PHACTR2: variants seen among roughly 807,000 people sequenced by gnomAD.
PHACTR2 encodes chromosome 6 open reading frame 56.
PHACTR2 carries 30 observed loss-of-function variants against 76.0 expected under a neutral mutation model. The ratio of observed to expected loss-of-function variants is 0.39; its 90% CI spans 0.30 to 0.54. The LOEUF (loss-of-function observed/expected upper bound fraction) is 0.54. Among genes scored for constraint, PHACTR2 ranks in the 20% least tolerant of loss-of-function variants. The probability of loss-of-function intolerance (pLI) is 0.61; values close to 1 mark genes in which losing one functional copy is unlikely to be tolerated. For missense variants in PHACTR2, 696 were observed against 781.1 expected, an observed-to-expected ratio of 0.89 and a Z score of 1.30; for synonymous variants, 292 against 292.5, an observed-to-expected ratio of 1.00 and a Z score of 0.02.
intron 1 of PHACTR2, among the ~76,000 whole-genome samples, chr6:143,650,690 A>T (rs1233289187): frequency 2.0e-5 from 3 of 152,232 alleles, no homozygotes; most frequent in African/African-American, 7.2e-5. Context: ...CTCAAGATGG[A>T]TTAAAGACTT....
chr6:143,732,728 A>C (rs992017479), intron 2 of PHACTR2, among the ~76,000 whole-genome samples: 1 of 152,182 alleles, frequency 6.6e-6, no homozygotes, highest in African/African-American at 2.4e-5. Flanking sequence ...TTTTCAATGC[A>C]GCCACACCAT....
chr6:143,806,568 C>T lies in PHACTR2; in HGVS notation c.1846-489C>T, dbSNP rs528219451. On this transcript the variant is annotated intron_variant, in intron 11 of 12. Coordinates refer to ENST00000440869, the MANE Select transcript of PHACTR2 (RefSeq NM_001100164.2). The surrounding 1 kb of genome is among the most constrained non-coding windows in gnomAD (Gnocchi z 5.8). ...ACTCAAGGATGAGTTTAGCAAAGGC[C>T]CGCTCCCACTCCCTCTTGCCAATGG... Among the ~76,000 whole-genome samples the T allele has an allele frequency of 3.3e-5, 5 of 152,186 alleles. No homozygotes were observed. The highest frequency in any genetic ancestry group is 1.2e-4 in the African/African-American group (5 of 41,520).
rs183791398 is a variant in PHACTR2 at position 143,718,913 on chromosome 6, C to T, written c.214+6730C>T. On this transcript the variant is annotated intron_variant, in intron 2 of 12. Coordinates refer to ENST00000440869, the MANE Select transcript of PHACTR2 (RefSeq NM_001100164.2). ...TTTTTTTTTTTTGGAGACAGAGTCTCGCTCTGTCATCCAAGCTGGAGTGCA... is the reference window on the plus strand; with the variant it reads ...TTTTTTTTTTTTGGAGACAGAGTCTTGCTCTGTCATCCAAGCTGGAGTGCA... Among the ~76,000 whole-genome samples, 18 of 138,768 alleles carry T rather than the reference C, an allele frequency of 1.3e-4. No homozygotes were observed. In the East Asian group the frequency reaches 1.4e-3, roughly 11 times the overall value. 91.0% of individuals were successfully genotyped at this position (138,768 alleles called of 152,430 possible).
rs1259114437 is a variant in PHACTR2 at position 143,647,575 on chromosome 6, G to A, written c.13+39253G>A. Among the ~76,000 whole-genome samples, 2 of 152,162 alleles carry A rather than the reference G, an allele frequency of 1.3e-5. No individual in the cohort carries two copies. Among genetic ancestry groups the A allele is most frequent in the Non-Finnish European group, 2.9e-5 (2 of 68,040 alleles). ...GCTTAATTTAGTTAAGTGAGATGGG[G>A]GCGGGAAAGAAGAGAAAATAGAGAG... is the stretch of plus-strand genomic sequence containing the variant. On this transcript the variant is annotated intron_variant, in intron 1 of 11. Coordinates refer to the PHACTR2 transcript ENST00000305766. The surrounding 1 kb of genome is among the most constrained non-coding windows in gnomAD (Gnocchi z 4.2).
intron 2 of PHACTR2, among the ~76,000 whole-genome samples, chr6:143,741,624 T>G (rs1778945396): frequency 6.6e-6 from 1 of 152,170 alleles, no homozygotes; most frequent in Admixed American, 6.5e-5. Context: ...GATTTCTGGG[T>G]GAAATTGCGA....
In PHACTR2 at chr6:143,764,627, C is replaced by T. The variant is rs1037654920; in HGVS notation, c.695-634C>T. On this transcript the variant is annotated intron_variant, in intron 5 of 12. Transcript: ENST00000440869. The surrounding 1 kb of genome is among the most constrained non-coding windows in gnomAD (Gnocchi z 4.7). ...AGGGAGTGTACCTTTCCTGTGTGGC[C>T]ATGGGTTTTCCCTTTACCCCATCTC... 2.6e-5 allele frequency among the ~76,000 whole-genome samples: 4 copies of T among 152,048 alleles called. No individual in the cohort carries two copies. Among genetic ancestry groups the T allele is most frequent in the African/African-American group, 7.2e-5 (3 of 41,410 alleles).
In PHACTR2 at chr6:143,602,282, A is replaced by G. The variant is rs1775821874; in HGVS notation, c.217+65075A>G. On this transcript the variant is annotated intron_variant, in intron 1 of 11. Coordinates refer to the PHACTR2 transcript ENST00000367584. The surrounding 1 kb of genome is among the most constrained non-coding windows in gnomAD (Gnocchi z 6.1). The stretch of plus-strand genomic sequence containing the variant: ...AATTTTGAGGGCATACTGCCGATCC[A>G]GTATTTAGGGACCCACGTGAAGCTT... Among the ~76,000 whole-genome samples, 1 of 152,234 alleles carries G rather than the reference A, an allele frequency of 6.6e-6. No individual in the cohort carries two copies. Among genetic ancestry groups the G allele is most frequent in the Non-Finnish European group, 1.5e-5 (1 of 68,046 alleles).
At chr6:143,734,061 G>T (rs1778765705) in intron 2 of PHACTR2, among the ~76,000 whole-genome samples, 2 of 152,052 alleles carry the variant, frequency 1.3e-5, no homozygotes, top group Admixed American at 6.6e-5. Context: ...ATAGGTGGAT[G>T]GAAAGACTCA....
chr6:143,640,762 G>A (rs1484737944), intron 1 of PHACTR2, among the ~76,000 whole-genome samples: 4 of 152,162 alleles, frequency 2.6e-5, no homozygotes, highest in Non-Finnish European at 5.9e-5. Context: ...CTCCTCAAAA[G>A]ATATGTCTAT....
At chr6:143,650,159 A>G (rs1315761541) in intron 1 of PHACTR2, among the ~76,000 whole-genome samples, 1 of 152,234 alleles carries the variant, frequency 6.6e-6, no homozygotes, top group African/African-American at 2.4e-5. Flanking sequence ...TTCAAGGAGA[A>G]CTACAAACCA....
In PHACTR2 at chr6:143,619,618, A is replaced by T. The variant is rs1475175560; in HGVS notation, c.13+11296A>T. Among the ~76,000 whole-genome samples, 4 of 152,208 alleles carry T rather than the reference A, an allele frequency of 2.6e-5. No homozygotes were observed. Among genetic ancestry groups the T allele is most frequent in the African/African-American group, 9.7e-5 (4 of 41,448 alleles). ...TTCTCTTCCTCCACTTACTGTGGAA[A>T]GGGACTCGGTAGCTTTTGTATCATT... On this transcript the variant is annotated intron_variant, in intron 1 of 11. Transcript: ENST00000305766. The surrounding 1 kb of genome is among the most constrained non-coding windows in gnomAD (Gnocchi z 4.5).
intron 1 of PHACTR2, among the ~76,000 whole-genome samples, chr6:143,609,556 C>G (rs1775944949): frequency 6.6e-6 from 1 of 152,064 alleles, no homozygotes; most frequent in Non-Finnish European, 1.5e-5. Flanking sequence ...TAGGGCTTGT[C>G]ATAAAAGCAG....
chr6:143,574,325 C>G (rs996385627), intron 1 of PHACTR2, among the ~76,000 whole-genome samples: 1 of 152,174 alleles, frequency 6.6e-6, no homozygotes, highest in Admixed American at 6.5e-5. Flanking sequence ...TTCCCTTTGC[C>G]ACATTCTATC....
intron 1 of PHACTR2, among the ~76,000 whole-genome samples, chr6:143,685,210 A>C (rs1227159730): frequency 6.6e-6 from 1 of 152,050 alleles, no homozygotes; most frequent in Non-Finnish European, 1.5e-5. Context: ...GATCTCTGTA[A>C]TTTATTCTAG....
chr6:143,682,760 A>AT, intron 1 of PHACTR2, among the ~76,000 whole-genome samples: 1 of 150,466 alleles, frequency 6.6e-6, no homozygotes, highest in Admixed American at 6.6e-5. Flanking sequence ...GATCTAACAA[A>AT]AAAAGTTGTT....
chr6:143,569,578 A>G (rs965958712), intron 1 of PHACTR2, among the ~76,000 whole-genome samples: 115 of 152,104 alleles, frequency 7.6e-4, no homozygotes, highest in African/African-American at 2.6e-3. Flanking sequence ...ATGTATTTAT[A>G]TTATTTAGAT....
At position 143,571,070 on chromosome 6, in the gene PHACTR2, A is replaced by T. The variant is rs1401025246; in HGVS notation, c.217+33863A>T. Reference sequence around the variant, plus strand: ...GAGTTCTCGTATACTCTTCACCTGGACTCCCCAAATGGTAATATCTTACAA... The same window carrying T: ...GAGTTCTCGTATACTCTTCACCTGGTCTCCCCAAATGGTAATATCTTACAA... On this transcript the variant is annotated intron_variant, in intron 1 of 11. Coordinates refer to the PHACTR2 transcript ENST00000367584. The surrounding 1 kb of genome is among the most constrained non-coding windows in gnomAD (Gnocchi z 4.6). Among the ~76,000 whole-genome samples the T allele has an allele frequency of 6.6e-6, 1 of 152,212 alleles. No individual in the cohort carries two copies. The highest frequency in any genetic ancestry group is 2.4e-5 in the African/African-American group (1 of 41,530).
Position 143,695,440 on chromosome 6 carries a change from C to T in PHACTR2, c.47-16576C>T, listed in dbSNP as rs1777750990. Among the ~76,000 whole-genome samples, 1 of 152,228 alleles carries T rather than the reference C, an allele frequency of 6.6e-6. No individual in the cohort carries two copies. Among genetic ancestry groups the T allele is most frequent in the African/African-American group, 2.4e-5 (1 of 41,454 alleles). On this transcript the variant is annotated intron_variant, in intron 1 of 12. Transcript: ENST00000440869. This position sits in a 1 kb window ranked among gnomAD's most constrained non-coding sequence, Gnocchi z 4.4. ...ATCCAAGACCCTATTTCAGATTCAACATTCAATACCCTAAGGCATAAAAAT... is the reference window on the plus strand; with the variant it reads ...ATCCAAGACCCTATTTCAGATTCAATATTCAATACCCTAAGGCATAAAAAT...
chr6:143,574,353 AG>A (rs1775481651), intron 1 of PHACTR2, among the ~76,000 whole-genome samples: 1 of 152,124 alleles, frequency 6.6e-6, no homozygotes, highest in Non-Finnish European at 1.5e-5. Context: ...ACAAGTCACA[AG>A]TTTCATTTAC....
Sources: allele counts gnomAD v4.1 joint callset (sites outside exome capture counted in the v4.1 genomes callset), GRCh38; gene constraint gnomAD v4.1.1; non-coding constraint Gnocchi (gnomAD v3.1); transcripts MANE v1.5; gene names NCBI Gene and HGNC (gene_info 2026-07-23, HGNC 2026-07-21).